SOX5: variants seen among roughly 807,000 people sequenced by gnomAD.
The protein encoded by SOX5 is SRY-box transcription factor 5, also known as transcription factor SOX-5.
A neutral mutation model predicts 92.0 loss-of-function variants in SOX5; 9 were observed. The ratio of observed to expected loss-of-function variants is 0.10; its 90% CI spans 0.06 to 0.17. The LOEUF (loss-of-function observed/expected upper bound fraction) is 0.17, where lower values mean the gene tolerates loss of function less well. SOX5 is among the 10% of genes least tolerant of loss of function. The pLI is 1.00. For synonymous variants in SOX5, 344 were observed against 336.3 expected (o/e 1.02, Z -0.25); for missense variants, 642 against 944.5 (o/e 0.68, Z 4.20).
At chr12:23,697,266 A>G (rs1393978559) in intron 6 of SOX5, among the ~76,000 whole-genome samples, 2 of 152,202 alleles carry the variant, frequency 1.3e-5, no homozygotes, top group African/African-American at 2.4e-5. Flanking sequence ...ATATGCATTC[A>G]GCATTTTTAA....
intron 4 of SOX5, among the ~76,000 whole-genome samples, chr12:24,194,646 C>T (rs969356733): frequency 1.1e-4 from 16 of 151,960 alleles, no homozygotes; most frequent in South Asian, 2.1e-4. Flanking sequence ...TCAATGGAAA[C>T]GAAACAAAGA....
intron 2 of SOX5, among the ~76,000 whole-genome samples, chr12:24,302,408 T>G (rs1948080696): frequency 6.6e-6 from 1 of 152,192 alleles, no homozygotes; most frequent in African/African-American, 2.4e-5. Context: ...ATACAAGTAC[T>G]TTTCACTATA....
intron 4 of SOX5, among the ~76,000 whole-genome samples, chr12:24,084,257 G>T (rs1943703609): frequency 6.6e-6 from 1 of 152,048 alleles, no homozygotes; most frequent in Non-Finnish European, 1.5e-5. Context: ...AATTCAGTTT[G>T]TGTCTAGATT....
chr12:24,405,043 C>T (rs1191607634), intron 1 of SOX5, among the ~76,000 whole-genome samples: 3 of 152,144 alleles, frequency 2.0e-5, no homozygotes, highest in Non-Finnish European at 2.9e-5. Flanking sequence ...GATTCTTCGC[C>T]TGCAGCCGTC....
At chr12:23,919,785 T>C (rs1479978387) in intron 1 of SOX5, among the ~76,000 whole-genome samples, 2 of 152,222 alleles carry the variant, frequency 1.3e-5, no homozygotes, top group African/African-American at 2.4e-5. Context: ...ACATGGTTTC[T>C]ACTGGAGATT....
rs143062883 is a variant in SOX5, at chr12:23,857,203, G to A, written c.271-11010C>T. Among the ~76,000 whole-genome samples the A allele has an allele frequency of 4.9e-3, 746 of 152,260 alleles. 7 individuals carry two copies. Among genetic ancestry groups the A allele is most frequent in the African/African-American group, 0.017 (719 of 41,560 alleles). On this transcript the variant is annotated intron_variant, in intron 2 of 14. Transcript: ENST00000451604. ...TAATATAGGAGAGTCATTTCATGAA[G>A]GGTCATGAAAGTCAAGTAGGGTAGT... is the stretch of plus-strand genomic sequence containing the variant.
intron 1 of SOX5, among the ~76,000 whole-genome samples, chr12:23,919,180 G>A (rs2097453886): frequency 2.0e-5 from 3 of 152,272 alleles, no homozygotes; most frequent in African/African-American, 7.2e-5. Flanking sequence ...ACCTGAGCAT[G>A]TGCCCCAACT....
At chr12:24,273,001 G>A (rs1943962938) in intron 3 of SOX5, among the ~76,000 whole-genome samples, 1 of 152,186 alleles carries the variant, frequency 6.6e-6, no homozygotes, top group South Asian at 2.1e-4. Flanking sequence ...GGGATGCCAA[G>A]GCGGGTGGAT....
intron 4 of SOX5, among the ~76,000 whole-genome samples, chr12:23,975,574 G>A (rs887032771): frequency 6.6e-6 from 1 of 152,156 alleles, no homozygotes; most frequent in African/African-American, 2.4e-5. Context: ...TAGTGGGACA[G>A]TGTGATGTCA....
At chr12:24,452,464 G>A (rs751824381) in intron 1 of SOX5, among the ~76,000 whole-genome samples, 7 of 152,160 alleles carry the variant, frequency 4.6e-5, no homozygotes, top group Non-Finnish European at 8.8e-5. Context: ...CCCAGAGGGT[G>A]GGAGGCATTC....
At chr12:24,074,817 T>G (rs1942320891) in intron 4 of SOX5, among the ~76,000 whole-genome samples, 2 of 152,126 alleles carry the variant, frequency 1.3e-5, no homozygotes, top group Admixed American at 6.5e-5. Context: ...TCAGAAATCT[T>G]AACAATGACT....
chr12:23,922,757 G>C (rs1467033697), intron 1 of SOX5, among the ~76,000 whole-genome samples: 1 of 152,184 alleles, frequency 6.6e-6, no homozygotes, highest in Non-Finnish European at 1.5e-5. Context: ...CTTCTGTAGT[G>C]TTGATATTGT....
At chr12:24,052,495 A>G (rs1435625785) in intron 4 of SOX5, among the ~76,000 whole-genome samples, 1 of 152,144 alleles carries the variant, frequency 6.6e-6, no homozygotes, top group Non-Finnish European at 1.5e-5. Context: ...TGTTATTGAC[A>G]TTGATAGTTA....
At chr12:23,571,497 G>A (rs1024724847) in intron 10 of SOX5, among the ~76,000 whole-genome samples, 2 of 152,098 alleles carry the variant, frequency 1.3e-5, no homozygotes, top group African/African-American at 4.8e-5. Flanking sequence ...TAAGCAAAAC[G>A]TATGGCAAAG....
intron 3 of SOX5, among the ~76,000 whole-genome samples, chr12:24,230,768 C>CT (rs1279893681): frequency 2.0e-5 from 3 of 152,206 alleles, no homozygotes; most frequent in Admixed American, 1.3e-4. Context: ...ATGCAAGAAT[C>CT]ATGCCCTGAC....
At chr12:24,154,839 T>C (rs1435254448) in intron 4 of SOX5, among the ~76,000 whole-genome samples, 1 of 152,134 alleles carries the variant, frequency 6.6e-6, no homozygotes, top group African/African-American at 2.4e-5. Flanking sequence ...ATAGAATTAA[T>C]AATAATTATG....
intron 12 of SOX5, among the ~76,000 whole-genome samples, 167 bp downstream of exon 12, chr12:23,546,149 G>A (rs1565694265): frequency 6.6e-6 from 1 of 152,104 alleles, no homozygotes. Flanking sequence ...TTTCTGCAAA[G>A]CACTCAGCAG....
intron 2 of SOX5, among the ~76,000 whole-genome samples, chr12:23,854,073 T>A (rs1483654401): frequency 6.6e-6 from 1 of 152,146 alleles, no homozygotes; most frequent in Non-Finnish European, 1.5e-5. Flanking sequence ...TCTATGTGTC[T>A]GAAGGAAGAA....
At chr12:23,878,792 G>T (rs1047340186) in intron 2 of SOX5, among the ~76,000 whole-genome samples, 1 of 151,678 alleles carries the variant, frequency 6.6e-6, no homozygotes, top group African/African-American at 2.4e-5. Context: ...ACATCATACT[G>T]ACTTTCCAAA....
Sources: allele counts gnomAD v4.1 joint callset (sites outside exome capture counted in the v4.1 genomes callset), GRCh38; gene constraint gnomAD v4.1.1; transcripts MANE v1.5; gene names NCBI Gene and HGNC (gene_info 2026-07-23, HGNC 2026-07-21).